The following LEMD3 variants were observed in gnomAD, a reference collection of about 807,000 sequenced individuals.
The protein encoded by LEMD3 is inner nuclear membrane protein Man1.
Under a neutral mutation model 95.2 loss-of-function variants are expected in LEMD3, and 33 were observed. The observed-to-expected ratio is 0.35, with a 90% confidence interval of 0.26 to 0.46. The LOEUF is 0.46. Among genes scored for constraint, LEMD3 ranks in the 20% least tolerant of loss-of-function variants. The probability of loss-of-function intolerance (pLI) is 1.00; values close to 1 mark genes in which losing one functional copy is unlikely to be tolerated. For synonymous variants in LEMD3, 525 were observed against 474.6 expected, an observed-to-expected ratio of 1.11 and a Z score of -1.38; for missense variants, 1,210 against 1,192.8, an observed-to-expected ratio of 1.01 and a Z score of -0.21.
At chr12:65,187,079 C>T (rs979707080) in intron 1 of LEMD3, among the ~76,000 whole-genome samples, 5 of 151,998 alleles carry the variant, frequency 3.3e-5, no homozygotes, top group African/African-American at 1.2e-4. Flanking sequence ...AGGGAGGATA[C>T]ACTGAATGAA....
chr12:65,217,483 C>T (rs1244069457), intron 3 of LEMD3, among the ~76,000 whole-genome samples: 2 of 152,156 alleles, frequency 1.3e-5, no homozygotes, highest in Non-Finnish European at 2.9e-5. Context: ...ATTACTTGAA[C>T]AAAACTGAAA....
At chr12:65,240,711 T>TA in intron 8 of LEMD3, 198 bp from the exon 9 acceptor site, 1 of 596,190 alleles carries the variant, frequency 1.7e-6, no homozygotes, top group Non-Finnish European at 2.9e-6. Flanking sequence ...GGAAAAAAAA[T>TA]ACAGATGTTT....
At chr12:65,243,731 C>A (rs1430504522) in intron 10 of LEMD3, among the ~76,000 whole-genome samples, 5 of 152,114 alleles carry the variant, frequency 3.3e-5, no homozygotes, top group Non-Finnish European at 4.4e-5. Flanking sequence ...ATGCTTGAGG[C>A]AAATTAATGA....
In LEMD3 at chr12:65,169,771, C is replaced by T. The variant is rs746044253; in HGVS notation, c.175C>T (p.Arg59Cys). The T allele has an allele frequency of 3.8e-6, 6 of 1,582,884 alleles. No homozygotes were observed. The highest frequency in any genetic ancestry group is 5.2e-6 in the Non-Finnish European group (6 of 1,163,954). ...GCAGCAACAGCACCGGTCAGGGGGC[C>T]GCGGCAACAAGACGCGGAACAGTAA... ...EEQQQHRSGGRGNKTRNSNNN... is the reference protein window; with the variant it reads ...EEQQQHRSGGCGNKTRNSNNN... The change falls in exon 1 of 13, where the codon CGC becomes TGC. Residue 59 changes from arginine to cysteine, a missense_variant. By Grantham distance (180) the Arg-to-Cys change is radical. This residue lies in a region of LEMD3 where 749 missense variants were observed against 622.9 expected (regional missense o/e 1.20). Coordinates refer to ENST00000308330, the MANE Select transcript of LEMD3 (RefSeq NM_014319.5).
chr12:65,172,881 A>G (rs1477438490), intron 1 of LEMD3, among the ~76,000 whole-genome samples: 1 of 152,068 alleles, frequency 6.6e-6, no homozygotes, highest in Non-Finnish European at 1.5e-5. Context: ...GCGTGCCGCC[A>G]CACCTGGCTA....
chr12:65,237,993 G>A (rs1870820054), intron 4 of LEMD3, among the ~76,000 whole-genome samples: 2 of 152,314 alleles, frequency 1.3e-5, no homozygotes, highest in East Asian at 3.9e-4. Context: ...TCCAAGCCAG[G>A]CGCAGTGGCT....
At chr12:65,192,764 C>T (rs1869283067) in intron 1 of LEMD3, among the ~76,000 whole-genome samples, 1 of 152,000 alleles carries the variant, frequency 6.6e-6, no homozygotes, top group Non-Finnish European at 1.5e-5. Context: ...AAGTTGAGCA[C>T]TTAATGTTTC....
chr12:65,192,724 G>A (rs558160869), intron 1 of LEMD3, among the ~76,000 whole-genome samples: 15 of 152,170 alleles, frequency 9.9e-5, no homozygotes, highest in South Asian at 4.1e-4. Context: ...AATATCTTTC[G>A]TTCTGAAATA....
intron 6 of LEMD3, among the ~76,000 whole-genome samples, chr12:65,239,355 G>A (rs966539218): frequency 4.6e-5 from 7 of 152,008 alleles, no homozygotes; most frequent in Non-Finnish European, 7.4e-5. Flanking sequence ...TTTAAGACCA[G>A]CCTGGGAAGC....
At chr12:65,196,357 T>C (rs1869429623) in intron 1 of LEMD3, among the ~76,000 whole-genome samples, 1 of 152,086 alleles carries the variant, frequency 6.6e-6, no homozygotes, top group African/African-American at 2.4e-5. Context: ...AGAACTCTTG[T>C]TTCTGAGGTA....
At chr12:65,191,549 C>T (rs1869240159) in intron 1 of LEMD3, among the ~76,000 whole-genome samples, 1 of 152,100 alleles carries the variant, frequency 6.6e-6, no homozygotes, top group Non-Finnish European at 1.5e-5. Context: ...GGTAGTTTAA[C>T]ATCTCTCTTT....
intron 1 of LEMD3, among the ~76,000 whole-genome samples, chr12:65,201,273 T>A (rs1869592990): frequency 2.0e-5 from 3 of 152,182 alleles, no homozygotes; most frequent in African/African-American, 7.2e-5. Context: ...TTGGTTATTC[T>A]GGGTCTATTG....
chr12:65,194,363 TTA>T (rs1392537232), intron 1 of LEMD3, among the ~76,000 whole-genome samples: 1 of 152,170 alleles, frequency 6.6e-6, no homozygotes, highest in East Asian at 1.9e-4. Flanking sequence ...TGGAGTTTTA[TTA>T]CTTCTCGTAT....
chr12:65,181,279 T>G (rs1047684396), intron 1 of LEMD3, among the ~76,000 whole-genome samples: 2 of 152,198 alleles, frequency 1.3e-5, no homozygotes, highest in Non-Finnish European at 2.9e-5. Context: ...TTAGTTCATT[T>G]GAAGAAACAT....
intron 2 of LEMD3, among the ~76,000 whole-genome samples, chr12:65,211,430 A>G (rs1422387180): frequency 6.6e-6 from 1 of 152,222 alleles, no homozygotes; most frequent in Non-Finnish European, 1.5e-5. Context: ...CATATCCTTC[A>G]GGCTATTTCT....
chr12:65,208,516 AG>A (rs1407710754), intron 1 of LEMD3, among the ~76,000 whole-genome samples: 3 of 152,092 alleles, frequency 2.0e-5, no homozygotes, highest in Non-Finnish European at 2.9e-5. Context: ...TATTTTCACT[AG>A]GGGTAACAGT....
intron 1 of LEMD3, among the ~76,000 whole-genome samples, chr12:65,172,331 T>C (rs763257267): frequency 1.3e-5 from 2 of 152,242 alleles, no homozygotes; most frequent in Non-Finnish European, 2.9e-5. Flanking sequence ...CCAAGATGAA[T>C]TCACTGTATT....
intron 1 of LEMD3, 79 bp downstream of exon 1, chr12:65,171,197 A>C: frequency 6.3e-7 from 1 of 1,593,090 alleles, no homozygotes; most frequent in Non-Finnish European, 8.5e-7. Flanking sequence ...AGCGTTTTAC[A>C]TGAAGTGACT....
At position 65,247,606 on chromosome 12, in the gene LEMD3, A is replaced by G. The variant is rs1451650077; in HGVS notation, c.*1281A>G. ...ACTTGTAATCTACAATTGGCTTTTT[A>G]AAAATAACCTGTTGATATATAATTG... is the stretch of plus-strand genomic sequence containing the variant. On this transcript the variant is annotated 3_prime_UTR_variant, in exon 13 of 13. Transcript: ENST00000308330. The G allele has an allele frequency of 1.3e-5, 2 of 152,264 alleles. No homozygotes were observed. The highest frequency in any genetic ancestry group is 2.9e-5 in the Non-Finnish European group (2 of 68,008). The allele number at this position is 152,264 out of a possible 1,614,324, so 9.4% of individuals were successfully genotyped here. A position where few individuals can be genotyped will look rare whatever the true frequency, so the allele number is the denominator to read the frequency against.
Sources: gnomAD v4.1 joint callset for allele counts (sites outside exome capture counted in the v4.1 genomes callset) on GRCh38, gnomAD v4.1.1 for gene constraint, gnomAD v4.1.1 regional missense constraint, MANE v1.5 for transcripts, NCBI Gene and HGNC (gene_info 2026-07-23, HGNC 2026-07-21) for gene names.